ANKRD28: variants seen among roughly 807,000 people sequenced by gnomAD.
The protein encoded by ANKRD28 is serine/threonine-protein phosphatase 6 regulatory ankyrin repeat subunit A.
A neutral mutation model predicts 126.5 loss-of-function variants in ANKRD28; 44 were observed. The ratio of observed to expected loss-of-function variants is 0.35; its 90% CI spans 0.27 to 0.45. The LOEUF is 0.45. Among genes scored for constraint, ANKRD28 ranks in the 20% least tolerant of loss-of-function variants. ANKRD28 has a pLI of 1.00. For missense variants in ANKRD28, 1,110 were observed against 1,316.6 expected (o/e 0.84, Z 2.43); for synonymous variants, 442 against 468.5 (o/e 0.94, Z 0.73).
At chr3:15,765,517 C>T (rs1559494807) in intron 3 of ANKRD28, among the ~76,000 whole-genome samples, 1 of 152,132 alleles carries the variant, frequency 6.6e-6, no homozygotes, top group Admixed American at 6.5e-5. Flanking sequence ...TAATTCTGTG[C>T]TCAATGAGGC....
chr3:15,731,874 A>AAGAG (rs1553610861), intron 6 of ANKRD28: 1 of 59,082 alleles, frequency 1.7e-5, no homozygotes. Context: ...AAAAAAAAAA[A>AAGAG]GGGGGGGGGG....
rs182821122 is a variant in ANKRD28 at position 15,714,660 on chromosome 3, G to A, written c.997-4C>T. The A allele has an allele frequency of 1.5e-5, 24 of 1,576,994 alleles. No homozygotes were observed. Among genetic ancestry groups the A allele is most frequent in the Non-Finnish European group, 1.9e-5 (22 of 1,167,692 alleles). On this transcript the variant is annotated splice_region_variant and splice_polypyrimidine_tract_variant and intron_variant, in intron 8 of 27. Coordinates refer to ENST00000683139, the MANE Select transcript of ANKRD28 (RefSeq NM_001349278.2). ...GTGGGGTTTTCCCATCTTTACTCTGGGGGGGGAAGAAAAAAATTACTCACT... is the reference window on the plus strand; with the variant it reads ...GTGGGGTTTTCCCATCTTTACTCTGAGGGGGGAAGAAAAAAATTACTCACT...
intron 1 of ANKRD28, among the ~76,000 whole-genome samples, chr3:15,818,571 T>C (rs1211494751): frequency 1.3e-5 from 2 of 152,176 alleles, no homozygotes; most frequent in East Asian, 1.9e-4. Context: ...TACCCTATGA[T>C]AAAGTTTAAC....
chr3:15,744,841 T>C (rs1453978771), intron 4 of ANKRD28, among the ~76,000 whole-genome samples: 1 of 152,212 alleles, frequency 6.6e-6, no homozygotes, highest in African/African-American at 2.4e-5. Flanking sequence ...ATGGTTGTAC[T>C]AGTTTACATT....
At chr3:15,831,584 TC>T (rs1298516710) in intron 1 of ANKRD28, among the ~76,000 whole-genome samples, 1 of 152,140 alleles carries the variant, frequency 6.6e-6, no homozygotes, top group African/African-American at 2.4e-5. Context: ...AAAATCGCTC[TC>T]CCCTCAATAT....
At chr3:15,766,520 C>T (rs1302249220) in intron 2 of ANKRD28, among the ~76,000 whole-genome samples, 1 of 151,968 alleles carries the variant, frequency 6.6e-6, no homozygotes, top group African/African-American at 2.4e-5. Context: ...CTTGTCTCTA[C>T]AAAATTTTTT....
At chr3:15,753,828 G>T (rs2058011180) in intron 3 of ANKRD28, among the ~76,000 whole-genome samples, 1 of 152,024 alleles carries the variant, frequency 6.6e-6, no homozygotes, top group African/African-American at 2.4e-5. Flanking sequence ...GCACCTGTAA[G>T]TCTAATTACT....
intron 27 of ANKRD28, among the ~76,000 whole-genome samples, chr3:15,675,277 AAACAAC>A (rs550059526): frequency 2.0e-5 from 3 of 152,092 alleles, no homozygotes; most frequent in Non-Finnish European, 4.4e-5. Flanking sequence ...TCTCAAAAAC[AAACAAC>A]AACAACAACA....
intron 11 of ANKRD28, among the ~76,000 whole-genome samples, 177 bp downstream of exon 11, chr3:15,711,963 T>C (rs113150659): frequency 0.023 from 3,474 of 152,204 alleles, 139 homozygotes; most frequent in African/African-American, 0.079. Flanking sequence ...CCCAAAGTGC[T>C]GGGATTACAG....
intron 1 of ANKRD28, among the ~76,000 whole-genome samples, chr3:15,855,376 A>T (rs2061743705): frequency 1.3e-5 from 2 of 151,866 alleles, no homozygotes; most frequent in South Asian, 2.1e-4. Context: ...CACCTTAAAC[A>T]TATCAGTCCT....
chr3:15,808,919 C>T (rs2060647078), intron 1 of ANKRD28, among the ~76,000 whole-genome samples: 1 of 152,088 alleles, frequency 6.6e-6, no homozygotes, highest in Admixed American at 6.6e-5. Context: ...TTGTTGCGTC[C>T]ATAATATTTT....
rs143853360 is a variant in ANKRD28 at position 15,681,605 on chromosome 3, ATTTTC to A, written c.2390-2047_2390-2043del. 2.8e-3 allele frequency among the ~76,000 whole-genome samples: 422 copies of A among 152,258 alleles called. 4 individuals are homozygous for A. The highest frequency in any genetic ancestry group is 9.7e-3 in the African/African-American group (404 of 41,562). ...TATTTGCCTACCAAAGTGATGTTAT[ATTTTC>A]TTTTCTTTTTAAATTACTCAAACTT... On this transcript the variant is annotated intron_variant, in intron 21 of 27. Coordinates refer to ENST00000683139, the MANE Select transcript of ANKRD28 (RefSeq NM_001349278.2).
intron 1 of ANKRD28, among the ~76,000 whole-genome samples, chr3:15,822,559 A>T (rs2060967948): frequency 6.6e-6 from 1 of 152,238 alleles, no homozygotes; most frequent in Non-Finnish European, 1.5e-5. Flanking sequence ...GCAAATAAAG[A>T]TCAAACTATA....
intron 1 of ANKRD28, among the ~76,000 whole-genome samples, chr3:15,850,236 G>T (rs868331595): frequency 2.0e-3 from 226 of 110,664 alleles, no homozygotes; most frequent in African/African-American, 5.8e-3. Context: ...GAGAGAGAGA[G>T]AGAGAGAGAG....
At chr3:15,715,544 GA>G (rs2072903492) in intron 8 of ANKRD28, among the ~76,000 whole-genome samples, 1 of 152,194 alleles carries the variant, frequency 6.6e-6, no homozygotes, top group African/African-American at 2.4e-5. Flanking sequence ...TAATTTTACA[GA>G]AGTTCTAATC....
At chr3:15,842,613 T>C (rs953959932) in intron 1 of ANKRD28, among the ~76,000 whole-genome samples, 5 of 152,138 alleles carry the variant, frequency 3.3e-5, no homozygotes, top group Non-Finnish European at 5.9e-5. Flanking sequence ...AAAGCACAAA[T>C]GCTTGAGGTG....
chr3:15,676,815 G>T, intron 26 of ANKRD28, 159 bp downstream of exon 26: 2 of 519,194 alleles, frequency 3.9e-6, no homozygotes, highest in Non-Finnish European at 6.7e-6. Flanking sequence ...GCTTTTAGTT[G>T]TGATCATTTT....
At chr3:15,757,065 G>A (rs1187145107) in intron 3 of ANKRD28, among the ~76,000 whole-genome samples, 1 of 152,084 alleles carries the variant, frequency 6.6e-6, no homozygotes, top group Non-Finnish European at 1.5e-5. Flanking sequence ...AAGATGACAA[G>A]GATGAAGATG....
intron 4 of ANKRD28, among the ~76,000 whole-genome samples, chr3:15,740,747 T>C (rs995594356): frequency 2.0e-5 from 3 of 152,242 alleles, no homozygotes; most frequent in Admixed American, 6.5e-5. Flanking sequence ...TCTACTTTTT[T>C]GTTTCACTAA....
Sources: gnomAD v4.1 joint callset for allele counts (sites outside exome capture counted in the v4.1 genomes callset) on GRCh38, gnomAD v4.1.1 for gene constraint, MANE v1.5 for transcripts, NCBI Gene and HGNC (gene_info 2026-07-23, HGNC 2026-07-21) for gene names.